GAREM2: variants seen among roughly 807,000 people sequenced by gnomAD.
GAREM2 encodes the protein GRB2-associated and regulator of MAPK protein 2.
Under a neutral mutation model 55.6 loss-of-function variants are expected in GAREM2, and 30 were observed. The ratio of observed to expected loss-of-function variants is 0.54; its 90% CI spans 0.40 to 0.73. The LOEUF (loss-of-function observed/expected upper bound fraction) is 0.73. Among genes scored for constraint, GAREM2 ranks in the 30% least tolerant of loss-of-function variants. GAREM2 has a pLI of 0.00. For missense variants in GAREM2, 1,075 were observed against 1,257.7 expected, an observed-to-expected ratio of 0.85 and a Z score of 2.20; for synonymous variants, 550 against 569.1, an observed-to-expected ratio of 0.97 and a Z score of 0.48.
chr2:26,187,035 C>T (rs1574595328), intron 5 of GAREM2, among the ~76,000 whole-genome samples, 196 bp from the exon 6 acceptor site: 1 of 152,260 alleles, frequency 6.6e-6, no homozygotes, highest in South Asian at 2.1e-4. Flanking sequence ...TCATTTTTCC[C>T]CTGTGTTTTC....
chr2:26,184,993 TGCCCGCGCCGCGCGCCCCCGGGCTC>T lies in GAREM2; in HGVS notation c.1155_1179del (p.Arg386ProfsTer4), dbSNP rs1164009738. On this transcript the variant is annotated frameshift_variant, in exon 4 of 6. Transcript: ENST00000401533. LOFTEE classifies it high-confidence loss of function. ...AGCCCGCGCCGCGCGCGCCTCTGCC[TGCCCGCGCCGCGCGCCCCCGGGCTC>T]GCCCGCGCCCCCGGCCCGCTAGCGC... 1.1e-5 allele frequency: 13 copies of T among 1,134,842 alleles called. No homozygotes were observed. Among genetic ancestry groups the T allele is most frequent in the African/African-American group, 3.3e-5 (2 of 60,462 alleles). The allele number at this position is 1,134,842 out of a possible 1,614,324, so 70.3% of individuals were successfully genotyped here.
chr2:26,185,413 G>A (rs1669218480), intron 4 of GAREM2, 137 bp downstream of exon 4: 2 of 1,325,476 alleles, frequency 1.5e-6, no homozygotes, highest in Non-Finnish European at 2.0e-6. Context: ...GGAAAGGGCA[G>A]AGGCATGCCA....
Position 26,188,023 on chromosome 2 carries a change from C to T in GAREM2, c.2391C>T (p.Ala797=). Residue 797 remains alanine (A), a synonymous_variant, in exon 6 of 6, where the codon GCC becomes GCT. Transcript: ENST00000401533. Reference sequence around the variant, plus strand: ...CCACAGGCTTTGGAGTCCGAGATGCCTCCTCCTGGCAGCCCCCTGCTGACC... The same window carrying T: ...CCACAGGCTTTGGAGTCCGAGATGCTTCCTCCTGGCAGCCCCCTGCTGACC... The part of the protein sequence containing the change: ...DGATGFGVRD[A]SSWQPPADLS... 1 of 1,494,166 alleles carries T rather than the reference C, an allele frequency of 6.7e-7. No individual in the cohort carries two copies. The highest frequency in any genetic ancestry group is 9.0e-7 in the Non-Finnish European group (1 of 1,113,062). 92.6% of individuals were successfully genotyped at this position (1,494,166 alleles called of 1,614,324 possible).
chr2:26,189,017 C>G lies in GAREM2; in HGVS notation c.*760C>G, dbSNP rs1051292776. 30 of 151,708 alleles carry G rather than the reference C, an allele frequency of 2.0e-4. No homozygotes were observed. Among genetic ancestry groups the G allele is most frequent in the African/African-American group, 7.1e-4 (29 of 40,952 alleles). 9.4% of individuals were successfully genotyped at this position (151,708 alleles called of 1,614,324 possible). ...CTGCTCTGACTTTACTGCAGCTAGTCATCCATCCGTCAGGTGGCGTTCAGT... is the reference window on the plus strand; with the variant it reads ...CTGCTCTGACTTTACTGCAGCTAGTGATCCATCCGTCAGGTGGCGTTCAGT... On this transcript the variant is annotated 3_prime_UTR_variant, in exon 6 of 6. Transcript: ENST00000401533.
chr2:26,193,633 C>T (rs373966336), downstream of GAREM2: 10 of 1,613,970 alleles, frequency 6.2e-6, no homozygotes, highest in Middle Eastern at 1.6e-4. Flanking sequence ...ACCTCCAAAC[C>T]GCTCCCCAAA....
In GAREM2 at chr2:26,184,937, G is replaced by A; in HGVS notation, c.1089G>A (p.Glu363=). 7.7e-7 allele frequency: 1 copy of A among 1,295,118 alleles called. No homozygotes were observed. Among genetic ancestry groups the A allele is most frequent in the Non-Finnish European group, 9.8e-7 (1 of 1,023,472 alleles). The allele number at this position is 1,295,118 out of a possible 1,614,324, so 80.2% of individuals were successfully genotyped here. The stretch of plus-strand genomic sequence containing the variant: ...ACGAGTACTCCACGGCCGTGCGCGA[G>A]GCGCCAGCGGAGCTCGCCGAAGACT... ...DPDEYSTAVR[E]APAELAEDCA... Residue 363 remains glutamate (E), a synonymous_variant, in exon 4 of 6, where the codon GAG becomes GAA. Transcript: ENST00000401533.
chr2:26,185,404 G>A, intron 4 of GAREM2, 128 bp downstream of exon 4: 1 of 1,350,468 alleles, frequency 7.4e-7, no homozygotes, highest in East Asian at 3.0e-5. Flanking sequence ...AGGGGAGAAG[G>A]AAAGGGCAGA....
At chr2:26,183,398 C>T (rs1468955607) in intron 3 of GAREM2, among the ~76,000 whole-genome samples, 5 of 152,264 alleles carry the variant, frequency 3.3e-5, no homozygotes, top group East Asian at 3.9e-4. Context: ...CTTGTAGAGG[C>T]GGTGGTTGTG....
At chr2:26,182,384 T>C in intron 2 of GAREM2, 1 of 1,544,960 alleles carries the variant, frequency 6.5e-7, no homozygotes, top group Non-Finnish European at 8.7e-7. Flanking sequence ...AGAGCTGGGG[T>C]CAGAGTGGTT....
At chr2:26,191,496 C>T (rs186499456), downstream of GAREM2, 89 of 1,614,156 alleles carry the variant, frequency 5.5e-5, no homozygotes, top group Admixed American at 1.5e-4. Context: ...CCAGACAAGG[C>T]GGGAAGCCAA....
the GAREM2 span, among the ~76,000 whole-genome samples, chr2:26,200,684 A>G: frequency 6.6e-6 from 1 of 152,180 alleles, no homozygotes; most frequent in Non-Finnish European, 1.5e-5. Context: ...TTTATAACAT[A>G]TGCAGTGTGC....
At chr2:26,198,568 G>A in the GAREM2 span, among the ~76,000 whole-genome samples, 1 of 151,698 alleles carries the variant, frequency 6.6e-6, no homozygotes, top group African/African-American at 2.4e-5. Flanking sequence ...TAACAGAGAT[G>A]AGAATCAAGG....
the GAREM2 span, among the ~76,000 whole-genome samples, chr2:26,197,420 A>G: frequency 3.3e-5 from 5 of 152,194 alleles, no homozygotes; most frequent in East Asian, 1.9e-4. Flanking sequence ...CTATCCTTCA[A>G]TGCCTAATTC....
chr2:26,204,214 AATGACTTTCGGTAAACTG>A, the GAREM2 span: 4 of 1,613,236 alleles, frequency 2.5e-6, no homozygotes, highest in Non-Finnish European at 3.4e-6. Context: ...GCAAGGATGA[AATGACTTTCGGTAAACTG>A]ATCTTAATCA....
rs1232375453 is a variant in GAREM2, at chr2:26,186,205, G to A, written c.1445G>A (p.Arg482His). The change falls in exon 5 of 6, where the codon CGC (arginine) becomes CAC (histidine). Residue 482 changes from arginine to histidine, a missense_variant. Transcript: ENST00000401533. ...TGCTTGTAGGTGAAGGAGGAGTGCC[G>A]CCTGCTCAATGCCCCTCCAGTGCCT... ...PKSEAVKEECRLLNAPPVPPR... is the reference protein window; with the variant it reads ...PKSEAVKEECHLLNAPPVPPR... 7 of 1,524,300 alleles carry A rather than the reference G, an allele frequency of 4.6e-6. No homozygotes were observed. The East Asian group carries it at 9.9e-5, about 22-fold the overall frequency. The allele number at this position is 1,524,300 out of a possible 1,614,324, so 94.4% of individuals were successfully genotyped here.
the GAREM2 span, chr2:26,197,796 TA>T: frequency 3.3e-6 from 4 of 1,215,292 alleles, no homozygotes; most frequent in Non-Finnish European, 4.9e-6. Flanking sequence ...GAAAAGCATT[TA>T]ACAATGTGTC....
Position 26,183,029 on chromosome 2 carries a change from G to C in GAREM2, c.316G>C (p.Val106Leu), listed in dbSNP as rs760434286. 1.9e-6 allele frequency: 3 copies of C among 1,551,602 alleles called. No homozygotes were observed. The highest frequency in any genetic ancestry group is 2.6e-6 in the Non-Finnish European group (3 of 1,146,988). The change falls in exon 3 of 6, where the codon GTG (valine) becomes CTG (leucine). Residue 106 changes from valine (V) to leucine (L), a missense_variant. Physicochemically the swap from Val to Leu is conservative, Grantham distance 32. This residue lies in a region of GAREM2 where 230 missense variants were observed against 310.6 expected (regional missense o/e 0.74). Transcript: ENST00000401533. ...GGAGCCAGTGAGGTACTTCAGCAGC[G>C]TGGAGGAGGTGGCCAGTGTCTTCCC... ...VREPVRYFSS[V>L]EEVASVFPDR...
At chr2:26,174,189 G>A (rs1668787698) in intron 1 of GAREM2, among the ~76,000 whole-genome samples, 1 of 152,206 alleles carries the variant, frequency 6.6e-6, no homozygotes, top group Non-Finnish European at 1.5e-5. Context: ...CAGGCTCCTC[G>A]TCTCCCCGTG....
chr2:26,187,619 G>T lies in GAREM2; in HGVS notation c.1987G>T (p.Ala663Ser), dbSNP rs1486736780. 3 of 1,549,436 alleles carry T rather than the reference G, an allele frequency of 1.9e-6. No individual in the cohort carries two copies. In the East Asian group the frequency reaches 7.3e-5, roughly 38 times the overall value. ...TSGPVATSGP[A>S]YSPGPASPGQ... is the part of the protein sequence containing the mutation. ...GGGTCCTGTGGCTACCTCTGGCCCT[G>T]CGTATTCCCCAGGCCCAGCCTCGCC... The change falls in exon 6 of 6, where the codon GCG (alanine) becomes TCG (serine). Residue 663 changes from alanine to serine, a missense_variant. Physicochemically the swap from Ala to Ser is moderately conservative, Grantham distance 99 (BLOSUM62 1). Coordinates refer to ENST00000401533, the MANE Select transcript of GAREM2 (RefSeq NM_001168241.2).
Sources: allele counts gnomAD v4.1 joint callset (sites outside exome capture counted in the v4.1 genomes callset), GRCh38; gene constraint gnomAD v4.1.1; regional missense constraint gnomAD v4.1.1; transcripts MANE v1.5; gene names NCBI Gene and HGNC (gene_info 2026-07-23, HGNC 2026-07-21).